MMRN1: variants seen among roughly 807,000 people sequenced by gnomAD.
MMRN1 encodes multimerin-1.
Under a neutral mutation model 100.7 loss-of-function variants are expected in MMRN1, and 94 were observed. That is an observed-to-expected ratio of 0.93 (90% CI 0.79 to 1.11). The LOEUF is 1.11. Among genes scored for constraint, MMRN1 ranks in the 50% least tolerant of loss-of-function variants. The pLI, the probability that MMRN1 is intolerant of heterozygous loss-of-function variation, is 0.00. For synonymous variants in MMRN1, 575 were observed against 505.0 expected, an observed-to-expected ratio of 1.14 and a Z score of -1.86; for missense variants, 1,606 against 1,439.1, an observed-to-expected ratio of 1.12 and a Z score of -1.88.
intron 4 of MMRN1, among the ~76,000 whole-genome samples, chr4:89,923,498 G>GAAAGAAT (rs916070007): frequency 1.3e-5 from 2 of 152,190 alleles, no homozygotes; most frequent in Non-Finnish European, 2.9e-5. Context: ...TGCAAACACA[G>GAAAGAAT]AAAGAATAAA....
intron 7 of MMRN1, 34 bp downstream of exon 7, chr4:89,951,785 T>C: frequency 6.2e-7 from 1 of 1,600,026 alleles, no homozygotes. Context: ...TTGGATTTGC[T>C]CATTGTCATA....
chr4:89,939,191 G>GT (rs1213940417), intron 6 of MMRN1, among the ~76,000 whole-genome samples: 1 of 151,956 alleles, frequency 6.6e-6, no homozygotes, highest in Non-Finnish European at 1.5e-5. Context: ...AAATTTGGCT[G>GT]TTTCATTTCA....
chr4:89,903,400 AATG>A, intron 1 of MMRN1, among the ~76,000 whole-genome samples: 1 of 151,624 alleles, frequency 6.6e-6, no homozygotes, highest in Non-Finnish European at 1.5e-5. Flanking sequence ...ATTGAACATA[AATG>A]ATGATGATGG....
At chr4:89,908,917 A>G (rs1721653216) in intron 1 of MMRN1, among the ~76,000 whole-genome samples, 1 of 151,380 alleles carries the variant, frequency 6.6e-6, no homozygotes. Context: ...CACATAATTT[A>G]AAGTAATGGA....
chr4:89,937,933 G>C (rs1722697752), intron 6 of MMRN1, among the ~76,000 whole-genome samples: 1 of 152,032 alleles, frequency 6.6e-6, no homozygotes. Flanking sequence ...TATGAATATG[G>C]TTGTCATATA....
chr4:89,892,942 T>C (rs972898013), upstream of MMRN1, among the ~76,000 whole-genome samples: 2 of 152,056 alleles, frequency 1.3e-5, no homozygotes, highest in African/African-American at 4.8e-5. Flanking sequence ...CATTCATCTA[T>C]TTTTACTAAA....
At chr4:89,950,331 G>A (rs567384824) in intron 6 of MMRN1, among the ~76,000 whole-genome samples, 2 of 152,268 alleles carry the variant, frequency 1.3e-5, no homozygotes, top group East Asian at 1.9e-4. Flanking sequence ...ACATGGACAA[G>A]TATGTCTGGA....
At chr4:89,924,235 A>G (rs1436372912) in intron 4 of MMRN1, among the ~76,000 whole-genome samples, 2 of 152,178 alleles carry the variant, frequency 1.3e-5, no homozygotes, top group African/African-American at 2.4e-5. Flanking sequence ...CAGCTCTGTA[A>G]CTGCGAGCAA....
Position 89,887,894 on chromosome 4 carries a change from T to A in MMRN1, c.-248-6830T>A, listed in dbSNP as rs188804140. The stretch of plus-strand genomic sequence containing the variant: ...TCTCAACAGTCAAATTAAAAAAAAA[T>A]TTAATTCATTATAATTTCACACTAC... On this transcript the variant is annotated intron_variant, in intron 1 of 8. Transcript: ENST00000394980. Among the ~76,000 whole-genome samples, 361 of 151,992 alleles carry A rather than the reference T, an allele frequency of 2.4e-3. 2 individuals carry two copies. Among genetic ancestry groups the A allele is most frequent in the African/African-American group, 8.2e-3 (342 of 41,510 alleles).
chr4:89,912,864 T>C (rs1389254869), intron 3 of MMRN1, among the ~76,000 whole-genome samples: 2 of 151,102 alleles, frequency 1.3e-5, no homozygotes, highest in Non-Finnish European at 3.0e-5. Flanking sequence ...GAATCCTGCA[T>C]TTTAGTTAGG....
In MMRN1 at chr4:89,935,442, C is replaced by T; in HGVS notation, c.1762C>T (p.Leu588Phe). 1 of 1,613,482 alleles carries T rather than the reference C, an allele frequency of 6.2e-7. No homozygotes were observed. The highest frequency in any genetic ancestry group is 1.1e-5 in the South Asian group (1 of 91,066). The change falls in exon 6 of 8, where the codon CTC (leucine) becomes TTC (phenylalanine). Residue 588 changes from leucine (L) to phenylalanine (F), a missense_variant. Leu to Phe is a conservative substitution (Grantham distance 22, BLOSUM62 0). Coordinates refer to ENST00000264790, the MANE Select transcript of MMRN1 (RefSeq NM_007351.3). ...TVSLEMEKES[L>F]RGECEDMLSK... is the part of the protein sequence containing the mutation. ...CTCTTTGGAGATGGAGAAAGAGTCT[C>T]TCAGAGGTGAATGTGAAGACATGTT... is the stretch of plus-strand genomic sequence containing the variant.
At chr4:89,909,205 G>A in intron 1 of MMRN1, 71 bp from the exon 2 acceptor site, 1 of 1,495,796 alleles carries the variant, frequency 6.7e-7, no homozygotes, top group Non-Finnish European at 9.1e-7. Flanking sequence ...GTTTGTCTGT[G>A]AAAATAATTT....
upstream of MMRN1, among the ~76,000 whole-genome samples, chr4:89,892,812 C>T (rs767875077): frequency 4.6e-5 from 7 of 151,946 alleles, no homozygotes; most frequent in Non-Finnish European, 1.0e-4. Flanking sequence ...CAATGGGTGA[C>T]ATTTTACCAC....
intron 6 of MMRN1, among the ~76,000 whole-genome samples, chr4:89,951,277 C>T (rs1335744751): frequency 1.3e-5 from 2 of 152,000 alleles, no homozygotes; most frequent in Admixed American, 1.3e-4. Context: ...AAAGCATTAC[C>T]TTTATCAAGT....
chr4:89,895,293 G>T lies in MMRN1; in HGVS notation c.322G>T (p.Gly108Ter). The change falls in exon 1 of 8, where the codon GGA (glycine) becomes TGA (stop). Residue 108 changes from glycine to a stop codon, truncating the protein, a stop_gained. Transcript: ENST00000264790. LOFTEE classifies it high-confidence loss of function. ...QTLTSTEKAEGVVKLQNLTLP... is the reference protein window; with the variant it reads ...QTLTSTEKAE ...TCTCACATCCACAGAGAAAGCAGAA[G>T]GAGTGGTCAAGTTACAGAATCTTAC... 6.2e-7 allele frequency: 1 copy of T among 1,613,894 alleles called. No individual in the cohort carries two copies. The highest frequency in any genetic ancestry group is 8.5e-7 in the Non-Finnish European group (1 of 1,179,920).
chr4:89,923,423 G>A, intron 4 of MMRN1, 151 bp downstream of exon 4: 2 of 747,856 alleles, frequency 2.7e-6, no homozygotes, highest in Admixed American at 2.2e-5. Flanking sequence ...CTGGATGTTG[G>A]GAGAAATTGT....
Position 89,950,270 on chromosome 4 carries a change from T to G in MMRN1, c.3119-1335T>G, listed in dbSNP as rs1723118962. ...AGTGATCATTTAGGAGTCTTTAAAT[T>G]TTTCAAGAATGCAAGTGATATCATT... On this transcript the variant is annotated intron_variant, in intron 6 of 7. Coordinates refer to ENST00000264790, the MANE Select transcript of MMRN1 (RefSeq NM_007351.3). Among the ~76,000 whole-genome samples the G allele has an allele frequency of 1.3e-5, 2 of 152,144 alleles. 1 individual carries two copies. The highest frequency in any genetic ancestry group is 1.3e-4 in the Admixed American group (2 of 15,264).
intron 4 of MMRN1, among the ~76,000 whole-genome samples, chr4:89,926,376 T>C (rs1258483791): frequency 6.6e-6 from 1 of 152,162 alleles, no homozygotes; most frequent in Admixed American, 6.6e-5. Flanking sequence ...TCTCTGATGA[T>C]CAGTTATGTT....
At chr4:89,924,251 T>C (rs1722176426) in intron 4 of MMRN1, among the ~76,000 whole-genome samples, 1 of 152,148 alleles carries the variant, frequency 6.6e-6, no homozygotes, top group Non-Finnish European at 1.5e-5. Flanking sequence ...AGCAAGTTAT[T>C]TTGGATTTCT....
Sources: gnomAD v4.1 joint callset for allele counts (sites outside exome capture counted in the v4.1 genomes callset) on GRCh38, gnomAD v4.1.1 for gene constraint, MANE v1.5 for transcripts, NCBI Gene and HGNC (gene_info 2026-07-23, HGNC 2026-07-21) for gene names.